The following SEC16A variants were observed in gnomAD, a reference collection of about 807,000 sequenced individuals.
The protein encoded by SEC16A is protein transport protein Sec16A.
SEC16A carries 110 observed loss-of-function variants against 221.9 expected under a neutral mutation model. The observed-to-expected ratio is 0.50, with a 90% CI of 0.42 to 0.58. The LOEUF (loss-of-function observed/expected upper bound fraction) is 0.58, where lower values mean the gene tolerates loss of function less well. Among genes scored for constraint, SEC16A ranks in the 20% least tolerant of loss-of-function variants. The pLI is 0.00. For synonymous variants in SEC16A, 1,393 were observed against 1,257.7 expected, an observed-to-expected ratio of 1.11 and a Z score of -2.28; for missense variants, 3,165 against 3,097.8, an observed-to-expected ratio of 1.02 and a Z score of -0.52.
intron 23 of SEC16A, chr9:136,448,610 T>TG: frequency 2.1e-6 from 1 of 481,672 alleles, no homozygotes; most frequent in Non-Finnish European, 4.0e-6. Flanking sequence ...GGGGAGCAGA[T>TG]CCAGACACAC....
rs1376436879 is a variant in SEC16A, at chr9:136,477,625, C to T, written c.-10G>A. On this transcript the variant is annotated 5_prime_UTR_variant, in exon 3 of 32. Coordinates refer to ENST00000684901, the MANE Select transcript of SEC16A (RefSeq NM_014866.2). ...GGGGCGGTGGCTGCATGACTGAACC[C>T]TTGCACAAGTCGATGCTGCTTACAG... 3 of 1,593,326 alleles carry T rather than the reference C, an allele frequency of 1.9e-6. No homozygotes were observed. The highest frequency in any genetic ancestry group is 2.6e-6 in the Non-Finnish European group (3 of 1,169,376).
upstream of SEC16A, chr9:136,484,472 A>C: frequency 8.2e-7 from 1 of 1,212,398 alleles, no homozygotes. Context: ...TCACCTGCAC[A>C]CCTGCCTGGC....
chr9:136,463,096 G>C lies in SEC16A; in HGVS notation c.4684C>G (p.Arg1562Gly). Residue 1562 changes from arginine to glycine, a missense_variant, in exon 12 of 32, where the codon CGA becomes GGA. By Grantham distance (125) the Arg-to-Gly change is moderately radical (BLOSUM62 -2). Around this residue, in one of 3 missense-constraint regions of SEC16A, gnomAD observed 1,088 missense variants for 1,089.6 expected, o/e 1.00. Coordinates refer to ENST00000684901, the MANE Select transcript of SEC16A (RefSeq NM_014866.2). Reference protein sequence around the residue: ...VGTDIAELLLRDHRTVWLPGK... With the variant: ...VGTDIAELLLGDHRTVWLPGK... ...GGAAGCCACACTGTTCTGTGGTCTCGTAACAGAAGCTCCGCAATGTCGGTC... is the reference window on the plus strand; with the variant it reads ...GGAAGCCACACTGTTCTGTGGTCTCCTAACAGAAGCTCCGCAATGTCGGTC... 1 of 1,611,832 alleles carries C rather than the reference G, an allele frequency of 6.2e-7. No individual in the cohort carries two copies. The highest frequency in any genetic ancestry group is 8.5e-7 in the Non-Finnish European group (1 of 1,179,880).
At chr9:136,450,107 G>A (rs1040194703) in intron 23 of SEC16A, among the ~76,000 whole-genome samples, 1 of 152,064 alleles carries the variant, frequency 6.6e-6, no homozygotes, top group Non-Finnish European at 1.5e-5. Flanking sequence ...GAGAGGCTGA[G>A]GCAGGAGAAT....
intron 1 of SEC16A, among the ~76,000 whole-genome samples, chr9:136,479,744 T>C (rs534527449): frequency 6.6e-6 from 1 of 152,230 alleles, no homozygotes; most frequent in Admixed American, 6.5e-5. Flanking sequence ...CCAGGTGCAG[T>C]GGCTCACACC....
intron 21 of SEC16A, 81 bp downstream of exon 21, chr9:136,454,028 C>T: frequency 7.7e-7 from 1 of 1,294,026 alleles, no homozygotes; most frequent in Non-Finnish European, 1.1e-6. Flanking sequence ...GCTCAAATAA[C>T]TTCAATCTCT....
intron 23 of SEC16A, among the ~76,000 whole-genome samples, chr9:136,450,077 AC>A (rs1837575980): frequency 6.6e-6 from 1 of 151,896 alleles, no homozygotes; most frequent in Admixed American, 6.6e-5. Flanking sequence ...TGGGGTGGGC[AC>A]CTGTAATCCC....
At position 136,451,297 on chromosome 9, in the gene SEC16A, GTC is replaced by G; in HGVS notation, c.6269_6270del (p.Arg2090ThrfsTer13). 1 of 1,613,398 alleles carries G rather than the reference GTC, an allele frequency of 6.2e-7. No homozygotes were observed. Among genetic ancestry groups the G allele is most frequent in the Non-Finnish European group, 8.5e-7 (1 of 1,179,678 alleles). The part of the protein sequence containing the change: ...LSLSPAPETK[R>X]PGQAAKKETK... The stretch of plus-strand genomic sequence containing the variant: ...GTTTCTTTCTTGGCTGCCTGTCCGG[GTC>G]TCTTTGTTTCGGGAGCGGGTGAGAG... On this transcript the variant is annotated frameshift_variant, in exon 23 of 32. Coordinates refer to ENST00000684901, the MANE Select transcript of SEC16A (RefSeq NM_014866.2). LOFTEE classifies it high-confidence loss of function.
intron 5 of SEC16A, among the ~76,000 whole-genome samples, chr9:136,467,965 G>C (rs1840363494): frequency 6.6e-6 from 1 of 152,198 alleles, no homozygotes; most frequent in Admixed American, 6.5e-5. Context: ...TGCCCGGTGG[G>C]GTGGCCCATG....
intron 1 of SEC16A, among the ~76,000 whole-genome samples, chr9:136,482,095 A>T (rs145996307): frequency 1.4e-3 from 211 of 152,354 alleles, no homozygotes; most frequent in African/African-American, 4.8e-3. Flanking sequence ...GGAACAAGGA[A>T]CAAGAAAGAC....
Position 136,447,647 on chromosome 9 carries a change from G to A in SEC16A, c.6481C>T (p.Pro2161Ser), listed in dbSNP as rs1328799354. The change falls in exon 26 of 32, where the codon CCC (proline) becomes TCC (serine). Residue 2161 changes from proline to serine, a missense_variant. Pro to Ser is a moderately conservative substitution (Grantham distance 74). Transcript: ENST00000684901. The surrounding 1 kb of genome is among the most constrained non-coding windows in gnomAD (Gnocchi z 5.5). ...KAPPPPPTSM[P>S]KTVQAAPPAL... ...GGCGGGGCAGCTTGCACAGTCTTGG[G>A]CATCGAGGTTGGAGGTGGGGGCGGG... 1.9e-6 allele frequency: 3 copies of A among 1,613,432 alleles called. No individual in the cohort carries two copies. The highest frequency in any genetic ancestry group is 2.5e-6 in the Non-Finnish European group (3 of 1,179,632).
In SEC16A at chr9:136,476,709, T is replaced by C. The variant is rs1487991022; in HGVS notation, c.907A>G (p.Arg303Gly). 1.3e-6 allele frequency: 2 copies of C among 1,586,202 alleles called. No individual in the cohort carries two copies. ...ANNSDPESTF[R>G]QNPRIVNHWA... ...TGATTCACAATTCTGGGATTTTGCC[T>C]GAATGTACTTTCAGGATCAGAGTTA... Residue 303 changes from arginine (R) to glycine (G), a missense_variant, in exon 3 of 32, where the codon AGG becomes GGG. Arg to Gly is a moderately radical substitution (Grantham distance 125). Transcript: ENST00000684901.
chr9:136,447,630 A>C lies in SEC16A; in HGVS notation c.6498T>G (p.Ala2166=), dbSNP rs1408108031. 9.9e-6 allele frequency: 16 copies of C among 1,613,740 alleles called. No individual in the cohort carries two copies. In the South Asian group the frequency reaches 1.2e-4, roughly 12 times the overall value. ...PPTSMPKTVQ[A]APPALPGPPG... ...GAGGCCCTGGGAGGGCAGGCGGGGC[A>C]GCTTGCACAGTCTTGGGCATCGAGG... The change falls in exon 26 of 32, where the codon GCT becomes GCG. Residue 2166 remains alanine (A), a synonymous_variant. Transcript: ENST00000684901. The surrounding 1 kb of genome is among the most constrained non-coding windows in gnomAD (Gnocchi z 5.5).
In SEC16A at chr9:136,477,698, A is replaced by C; in HGVS notation, c.-69-14T>G. ...CCTTAATTGGAGCTGGAAAAGAAAA[A>C]GAGAAAATCAGCATAAAATCCATAT... On this transcript the variant is annotated splice_polypyrimidine_tract_variant and intron_variant, in intron 2 of 31. Transcript: ENST00000684901. 1 of 1,445,992 alleles carries C rather than the reference A, an allele frequency of 6.9e-7. No individual in the cohort carries two copies. The highest frequency in any genetic ancestry group is 2.5e-5 in the East Asian group (1 of 40,278). The allele number at this position is 1,445,992 out of a possible 1,614,324, so 89.6% of individuals were successfully genotyped here.
At chr9:136,462,452 C>T (rs2132391399) in intron 12 of SEC16A, among the ~76,000 whole-genome samples, 1 of 152,306 alleles carries the variant, frequency 6.6e-6, no homozygotes, top group East Asian at 1.9e-4. Context: ...GCTCTCTTGC[C>T]CATGGCCTTT....
At chr9:136,483,498 CT>C (rs1842681379), upstream of SEC16A, 1 of 972,852 alleles carries the variant, frequency 1.0e-6, no homozygotes, top group Non-Finnish European at 1.2e-6. Context: ...CGGCGTCCGT[CT>C]GCCGCCTCAC....
chr9:136,456,177 G>A lies in SEC16A; in HGVS notation c.5551-11C>T. ...TAACTGGGAAGCCATCTAGACACGGGCAAAAATCAAAGGCCCCTGTCACCA... is the reference window on the plus strand; with the variant it reads ...TAACTGGGAAGCCATCTAGACACGGACAAAAATCAAAGGCCCCTGTCACCA... On this transcript the variant is annotated splice_polypyrimidine_tract_variant and intron_variant, in intron 18 of 31. Transcript: ENST00000684901. 2 of 1,603,106 alleles carry A rather than the reference G, an allele frequency of 1.2e-6. No individual in the cohort carries two copies. The highest frequency in any genetic ancestry group is 1.7e-6 in the Non-Finnish European group (2 of 1,173,048).
At position 136,454,292 on chromosome 9, in the gene SEC16A, G is replaced by A. The variant is rs1321499136; in HGVS notation, c.5893C>T (p.Pro1965Ser). The part of the protein sequence containing the change: ...QTLPDGPLAS[P>S]ARVPMFPVPL... ...ACTGGGAACATCGGCACTCTGGCAG[G>A]ACTGGCCAATGGGCCGTCAGGGAGC... The change falls in exon 21 of 32, where the codon CCT becomes TCT. Residue 1965 changes from proline (P) to serine (S), a missense_variant. Physicochemically the swap from Pro to Ser is moderately conservative, Grantham distance 74. Transcript: ENST00000684901. The A allele has an allele frequency of 1.3e-6, 2 of 1,583,284 alleles. No homozygotes were observed. The highest frequency in any genetic ancestry group is 8.6e-7 in the Non-Finnish European group (1 of 1,165,312).
intron 30 of SEC16A, 47 bp downstream of exon 30, chr9:136,445,005 G>T: frequency 6.5e-7 from 1 of 1,549,958 alleles, no homozygotes; most frequent in Non-Finnish European, 8.8e-7. Flanking sequence ...GAACACAGGC[G>T]GCACACGCCA....
Sources: gnomAD v4.1 joint callset for allele counts (sites outside exome capture counted in the v4.1 genomes callset) on GRCh38, gnomAD v4.1.1 for gene constraint, gnomAD v4.1.1 regional missense constraint, Gnocchi (gnomAD v3.1) non-coding constraint, MANE v1.5 for transcripts, NCBI Gene and HGNC (gene_info 2026-07-23, HGNC 2026-07-21) for gene names.